ZNF100: variants seen among roughly 807,000 people sequenced by gnomAD.
The protein encoded by ZNF100 is zinc finger protein 100.
In ZNF100, 12 loss-of-function variants were observed where a neutral mutation model predicts 15.8. The ratio of observed to expected loss-of-function variants is 0.76; its 90% confidence interval spans 0.49 to 1.23. The LOEUF (loss-of-function observed/expected upper bound fraction) is 1.23, where lower values mean the gene tolerates loss of function less well. Ranked by LOEUF, ZNF100 falls within the 50% of genes most tolerant of loss-of-function variation. The pLI is 0.00. For synonymous variants in ZNF100, 226 were observed against 214.8 expected (o/e 1.05, Z -0.45); for missense variants, 670 against 635.6 (o/e 1.05, Z -0.58).
rs2035753968 is a variant in ZNF100, at chr19:21,725,139, T to TTAG, written c.*1543_*1544insCTA. ...CAGTCAAAGCCACTAGCAAAAGAGATTACTAGAGATGTTAATCCATTATGT... is the reference window on the plus strand; with the variant it reads ...CAGTCAAAGCCACTAGCAAAAGAGATTAGTACTAGAGATGTTAATCCATTATGT... On this transcript the variant is annotated 3_prime_UTR_variant, in exon 5 of 5. Transcript: ENST00000358296. 6.6e-6 allele frequency: 1 copy of TTAG among 152,016 alleles called. No individual in the cohort carries two copies. The highest frequency in any genetic ancestry group is 2.4e-5 in the African/African-American group (1 of 41,370). 9.4% of individuals were successfully genotyped at this position (152,016 alleles called of 1,614,324 possible). A position where few individuals can be genotyped will look rare whatever the true frequency, so the allele number is the denominator to read the frequency against.
chr19:21,726,660 G>A lies in ZNF100; in HGVS notation c.*23C>T. On this transcript the variant is annotated 3_prime_UTR_variant, in exon 5 of 5. Transcript: ENST00000358296. The stretch of plus-strand genomic sequence containing the variant: ...TTATGTTTAGTAAGAGTTGAGGACT[G>A]GTAAAAGGCTTTGCCACATTTTTCA... The A allele has an allele frequency of 2.5e-6, 4 of 1,590,602 alleles. No homozygotes were observed. The highest frequency in any genetic ancestry group is 1.7e-4 in the Middle Eastern group (1 of 5,914).
intron 2 of ZNF100, among the ~76,000 whole-genome samples, chr19:21,749,933 G>C (rs1179306901): frequency 6.6e-6 from 1 of 152,152 alleles, no homozygotes; most frequent in Admixed American, 6.6e-5. Context: ...CAGATTCTAG[G>C]TGGGATCAAT....
intron 2 of ZNF100, among the ~76,000 whole-genome samples, chr19:21,745,867 TG>T (rs2036205100): frequency 6.6e-6 from 1 of 152,208 alleles, no homozygotes; most frequent in Admixed American, 6.5e-5. Flanking sequence ...CCAAAGTTTT[TG>T]GCCCCAAAAG....
At chr19:21,764,667 CTATT>C (rs898319578) in intron 2 of ZNF100, among the ~76,000 whole-genome samples, 1 of 151,246 alleles carries the variant, frequency 6.6e-6, no homozygotes, top group South Asian at 2.1e-4. Context: ...GCAAAAGTAT[CTATT>C]TCTTTCAGAC....
At chr19:21,730,445 A>AGTGTGTGTGTGTGTGTGTGT (rs58942514) in intron 4 of ZNF100, among the ~76,000 whole-genome samples, 5 of 147,606 alleles carry the variant, frequency 3.4e-5, no homozygotes, top group Non-Finnish European at 7.5e-5. Context: ...TGATAACCTA[A>AGTGTGTGTGTGTGTGTGTGT]GTGTGTGTGT....
intron 4 of ZNF100, among the ~76,000 whole-genome samples, chr19:21,732,833 T>G (rs2145693575): frequency 6.6e-6 from 1 of 152,012 alleles, no homozygotes; most frequent in African/African-American, 2.4e-5. Flanking sequence ...TAACCAATAT[T>G]TAATTCAAAA....
chr19:21,764,988 G>C (rs1318042153), intron 2 of ZNF100, among the ~76,000 whole-genome samples: 1 of 152,072 alleles, frequency 6.6e-6, no homozygotes, highest in Non-Finnish European at 1.5e-5. Flanking sequence ...GCTAAGCCTT[G>C]AAATTCTGTT....
chr19:21,727,772 A>T lies in ZNF100; in HGVS notation c.540T>A (p.Asp180Glu). The change falls in exon 5 of 5, where the codon GAT (aspartate) becomes GAA (glutamate). Residue 180 changes from aspartate to glutamate, a missense_variant. By Grantham distance (45) the Asp-to-Glu change is conservative (BLOSUM62 2). Coordinates refer to ENST00000358296, the MANE Select transcript of ZNF100 (RefSeq NM_173531.4). ...ITTQSNIFQCDPSAKVFHTFS... is the reference protein window; with the variant it reads ...ITTQSNIFQCEPSAKVFHTFS... ...ATGTATGAAAGACTTTTGCAGATGG[A>T]TCACATTGAAATATGTTGCTCTGGG... 1 of 1,613,888 alleles carries T rather than the reference A, an allele frequency of 6.2e-7. No homozygotes were observed. The highest frequency in any genetic ancestry group is 1.1e-5 in the South Asian group (1 of 91,058).
rs148155951 is a variant in ZNF100 at position 21,747,800 on chromosome 19, A to T, written c.97-2733T>A. The stretch of plus-strand genomic sequence containing the variant: ...ACATGTACTAATGCAATAATTATTA[A>T]GCAGGTACTATGTGCTCAAGAGTAC... On this transcript the variant is annotated intron_variant, in intron 2 of 4. Coordinates refer to ENST00000358296, the MANE Select transcript of ZNF100 (RefSeq NM_173531.4). 3.7e-3 allele frequency among the ~76,000 whole-genome samples: 569 copies of T among 152,320 alleles called. 2 individuals carry two copies. The highest frequency in any genetic ancestry group is 0.013 in the African/African-American group (549 of 41,562).
chr19:21,766,010 G>C (rs1348953064), intron 1 of ZNF100, among the ~76,000 whole-genome samples: 1 of 152,114 alleles, frequency 6.6e-6, no homozygotes, highest in Non-Finnish European at 1.5e-5. Context: ...AAGGAAAAGA[G>C]ACACAGAGAT....
chr19:21,739,812 A>G (rs1177296673), intron 4 of ZNF100, among the ~76,000 whole-genome samples: 2 of 152,078 alleles, frequency 1.3e-5, no homozygotes. Context: ...TCTAATAAAT[A>G]AACTGTCTCT....
At chr19:21,745,821 C>T (rs891289122) in intron 2 of ZNF100, among the ~76,000 whole-genome samples, 6 of 152,164 alleles carry the variant, frequency 3.9e-5, no homozygotes, top group Admixed American at 3.9e-4. Context: ...CACGCCCGGC[C>T]GAGTTTCTGA....
Position 21,727,935 on chromosome 19 carries a change from G to C in ZNF100, c.377C>G (p.Ser126Cys). 1.3e-6 allele frequency: 2 copies of C among 1,585,910 alleles called. No homozygotes were observed. The highest frequency in any genetic ancestry group is 8.6e-7 in the Non-Finnish European group (1 of 1,168,726). Reference sequence around the variant, plus strand: ...TTTTTTCAGAATCGCTTCTTGAAAAGAATCTTTAATGTCCTGCTCTGCCCA... The same window carrying C: ...TTTTTTCAGAATCGCTTCTTGAAAACAATCTTTAATGTCCTGCTCTGCCCA... Reference protein sequence around the residue: ...DLWAEQDIKDSFQEAILKKYG... With the variant: ...DLWAEQDIKDCFQEAILKKYG... The change falls in exon 5 of 5, where the codon TCT (serine) becomes TGT (cysteine). Residue 126 changes from serine to cysteine, a missense_variant. Physicochemically the swap from Ser to Cys is moderately radical, Grantham distance 112. Coordinates refer to ENST00000358296, the MANE Select transcript of ZNF100 (RefSeq NM_173531.4).
chr19:21,763,483 G>A (rs2036513020), intron 2 of ZNF100, among the ~76,000 whole-genome samples: 2 of 152,140 alleles, frequency 1.3e-5, no homozygotes, highest in Admixed American at 6.5e-5. Flanking sequence ...CCAGCTACTT[G>A]GGAGGCTGAG....
At chr19:21,760,863 T>C (rs1016342236) in intron 2 of ZNF100, among the ~76,000 whole-genome samples, 3 of 148,566 alleles carry the variant, frequency 2.0e-5, no homozygotes, top group Admixed American at 1.4e-4. Flanking sequence ...TTCATGCCAC[T>C]CTCCTTCCTC....
At chr19:21,764,522 C>T (rs766677444) in intron 2 of ZNF100, among the ~76,000 whole-genome samples, 9 of 151,990 alleles carry the variant, frequency 5.9e-5, no homozygotes, top group Non-Finnish European at 1.2e-4. Context: ...CGCCTCTAAT[C>T]GCAGCTACTC....
intron 2 of ZNF100, chr19:21,750,753 C>T: frequency 2.8e-6 from 1 of 354,794 alleles, no homozygotes. Context: ...GCAGCCTGGG[C>T]TGCGCCATTG....
intron 4 of ZNF100, among the ~76,000 whole-genome samples, chr19:21,733,836 G>A (rs528650493): frequency 6.6e-6 from 1 of 152,360 alleles, no homozygotes; most frequent in Non-Finnish European, 1.5e-5. Context: ...TGCCCATCTG[G>A]GATAAAGCTT....
At chr19:21,728,145 C>A (rs1230463627) in intron 4 of ZNF100, among the ~76,000 whole-genome samples, 156 bp from the exon 5 acceptor site, 13 of 145,154 alleles carry the variant, frequency 9.0e-5, no homozygotes, top group African/African-American at 1.0e-4. Flanking sequence ...AAAAAAAAAA[C>A]CAACCAAATT....
Sources: gnomAD v4.1 joint callset for allele counts (sites outside exome capture counted in the v4.1 genomes callset) on GRCh38, gnomAD v4.1.1 for gene constraint, MANE v1.5 for transcripts, NCBI Gene and HGNC (gene_info 2026-07-23, HGNC 2026-07-21) for gene names.